Variants in SNX6 observed in about 807,000 individuals in gnomAD.
The protein encoded by SNX6 is sorting nexin 6, also known as sorting nexin-6.
Under a neutral mutation model 63.0 loss-of-function variants are expected in SNX6, and 34 were observed. The observed-to-expected ratio is 0.54, with a 90% CI of 0.41 to 0.72. The LOEUF is 0.72. SNX6 is among the 30% of genes least tolerant of loss of function. The pLI is 0.00. For missense variants in SNX6, 398 were observed against 471.4 expected, an observed-to-expected ratio of 0.84 and a Z score of 1.44; for synonymous variants, 170 against 164.2, an observed-to-expected ratio of 1.04 and a Z score of -0.27.
At chr14:34,578,988 C>CA (rs1026970079) in intron 10 of SNX6, among the ~76,000 whole-genome samples, 10 of 78,064 alleles carry the variant, frequency 1.3e-4, no homozygotes, top group African/African-American at 3.8e-4. Context: ...AACAACTATA[C>CA]ACCTACCAGA....
At chr14:34,585,045 T>G (rs1594712372) in intron 9 of SNX6, among the ~76,000 whole-genome samples, 1 of 151,442 alleles carries the variant, frequency 6.6e-6, no homozygotes, top group South Asian at 2.1e-4. Context: ...GGAGACAGGG[T>G]TTCTCCATGT....
At chr14:34,575,727 T>C (rs746996012) in intron 11 of SNX6, 29 bp downstream of exon 11, 33 of 1,289,080 alleles carry the variant, frequency 2.6e-5, no homozygotes, top group Non-Finnish European at 3.3e-5. Context: ...GTTTGTAAAA[T>C]GGCTCATTTA....
At chr14:34,627,275 T>C (rs911546363) in intron 2 of SNX6, among the ~76,000 whole-genome samples, 12 of 151,892 alleles carry the variant, frequency 7.9e-5, no homozygotes, top group African/African-American at 2.9e-4. Flanking sequence ...TGAAACCCCG[T>C]CTCTACTAAA....
chr14:34,570,830 TCTC>T (rs2138267687), intron 11 of SNX6, among the ~76,000 whole-genome samples: 2 of 150,584 alleles, frequency 1.3e-5, no homozygotes, highest in East Asian at 4.0e-4. Flanking sequence ...TTCATGCCAT[TCTC>T]CTGCCTCAGC....
At chr14:34,604,138 C>A in intron 5 of SNX6, 1 of 1,270,114 alleles carries the variant, frequency 7.9e-7, no homozygotes, top group Non-Finnish European at 1.0e-6. Context: ...TACATACCAG[C>A]AAACCAGCAG....
intron 8 of SNX6, among the ~76,000 whole-genome samples, chr14:34,587,636 A>AATTTATTT (rs1882228935): frequency 6.6e-6 from 1 of 150,786 alleles, no homozygotes; most frequent in African/African-American, 2.4e-5. Flanking sequence ...AAACAAACAA[A>AATTTATTT]ATTTATTTAT....
Position 34,597,663 on chromosome 14 carries a change from T to C in SNX6, c.517-18A>G. On this transcript the variant is annotated intron_variant, in intron 6 of 13. Transcript: ENST00000362031. ...ACACTCAACTGAAAGAAAGGTAATTTAACATTTTTAAGGTTACAAATGGAA... is the reference window on the plus strand; with the variant it reads ...ACACTCAACTGAAAGAAAGGTAATTCAACATTTTTAAGGTTACAAATGGAA... 6.9e-7 allele frequency: 1 copy of C among 1,443,760 alleles called. No individual in the cohort carries two copies. Among genetic ancestry groups the C allele is most frequent in the Non-Finnish European group, 9.6e-7 (1 of 1,036,878 alleles). 89.4% of individuals were successfully genotyped at this position (1,443,760 alleles called of 1,614,324 possible).
intron 2 of SNX6, among the ~76,000 whole-genome samples, chr14:34,619,154 T>C (rs1001218801): frequency 1.3e-5 from 2 of 152,220 alleles, no homozygotes; most frequent in African/African-American, 2.4e-5. Flanking sequence ...CCAGGCGCAG[T>C]GGCTTATGCC....
chr14:34,602,045 T>C (rs1480330380), intron 6 of SNX6, among the ~76,000 whole-genome samples: 1 of 128,678 alleles, frequency 7.8e-6, no homozygotes, highest in Non-Finnish European at 1.8e-5. Context: ...ATCCCAGCAC[T>C]TTGGGAGGCT....
At chr14:34,622,787 T>C (rs1378518956) in intron 2 of SNX6, among the ~76,000 whole-genome samples, 9 of 152,106 alleles carry the variant, frequency 5.9e-5, no homozygotes, top group Non-Finnish European at 1.2e-4. Context: ...TAGAGCTAGA[T>C]TGCCTATTTG....
At chr14:34,608,231 G>A (rs997303222) in intron 3 of SNX6, 91 bp from the exon 4 acceptor site, 2 of 633,486 alleles carry the variant, frequency 3.2e-6, no homozygotes, top group Non-Finnish European at 2.8e-6. Context: ...AGGCTGGAGT[G>A]CAGTCGAACA....
intron 2 of SNX6, among the ~76,000 whole-genome samples, chr14:34,624,381 A>C (rs1043931299): frequency 6.6e-6 from 1 of 152,194 alleles, no homozygotes; most frequent in African/African-American, 2.4e-5. Context: ...GATTACATGC[A>C]TGAGACACTG....
chr14:34,565,077 CT>C (rs34722757), intron 13 of SNX6, among the ~76,000 whole-genome samples: 42,283 of 130,896 alleles, frequency 0.32, 5,631 homozygotes, highest in Non-Finnish European at 0.37. Context: ...CATGTCATGA[CT>C]TTTTTTTTTT....
At chr14:34,596,298 G>T (rs1367025916) in intron 7 of SNX6, among the ~76,000 whole-genome samples, 1 of 151,540 alleles carries the variant, frequency 6.6e-6, no homozygotes, top group East Asian at 2.0e-4. Context: ...AGTAAGTAAG[G>T]TGGGTGGTAT....
intron 11 of SNX6, among the ~76,000 whole-genome samples, chr14:34,570,869 G>A (rs1439714030): frequency 2.0e-5 from 3 of 151,074 alleles, no homozygotes; most frequent in East Asian, 2.0e-4. Flanking sequence ...GACTACAGGC[G>A]CCCACCACCA....
intron 2 of SNX6, among the ~76,000 whole-genome samples, chr14:34,613,059 A>AC (rs1883292029): frequency 6.6e-6 from 1 of 151,052 alleles, no homozygotes; most frequent in African/African-American, 2.4e-5. Flanking sequence ...AAAAAAAAAA[A>AC]CTGACACAGG....
intron 10 of SNX6, among the ~76,000 whole-genome samples, chr14:34,577,090 TTC>T (rs1453275606): frequency 8.6e-5 from 13 of 151,970 alleles, no homozygotes; most frequent in Admixed American, 8.5e-4. Flanking sequence ...TTCTAGGTAT[TTC>T]TTTCTTTTCC....
At chr14:34,622,959 G>A (rs1467209409) in intron 2 of SNX6, among the ~76,000 whole-genome samples, 3 of 152,166 alleles carry the variant, frequency 2.0e-5, no homozygotes, top group Non-Finnish European at 2.9e-5. Context: ...GCATGTAAGT[G>A]TGTAACTATC....
intron 4 of SNX6, 141 bp from the exon 5 acceptor site, chr14:34,605,858 T>C (rs1165491537): frequency 9.7e-7 from 1 of 1,034,894 alleles, no homozygotes; most frequent in Non-Finnish European, 1.3e-6. Flanking sequence ...AAATTCAGAT[T>C]GGAGAACTTG....
Sources: allele counts gnomAD v4.1 joint callset (sites outside exome capture counted in the v4.1 genomes callset), GRCh38; gene constraint gnomAD v4.1.1; transcripts MANE v1.5; gene names NCBI Gene and HGNC (gene_info 2026-07-23, HGNC 2026-07-21).